SURF2: variants seen among roughly 807,000 people sequenced by gnomAD.
SURF2 encodes surfeit locus protein 2.
Under a neutral mutation model 26.2 loss-of-function variants are expected in SURF2, and 32 were observed. That is an observed-to-expected ratio of 1.22 (90% CI 0.92 to 1.64). The LOEUF (loss-of-function observed/expected upper bound fraction) is 1.64, where lower values mean the gene tolerates loss of function less well. SURF2 is among the 40% of genes most tolerant of loss of function. The pLI is 0.00. For missense variants in SURF2, 415 were observed against 341.6 expected (o/e 1.21, Z -1.69); for synonymous variants, 173 against 139.1 (o/e 1.24, Z -1.71).
rs114659998 is a variant in SURF2, at chr9:133,361,098, C to T, written c.730C>T (p.Arg244Cys). 929 of 1,614,146 alleles carry T rather than the reference C, an allele frequency of 5.8e-4. 5 individuals carry two copies. The African/African-American group carries it at 0.011, about 19-fold the overall frequency. The change falls in exon 6 of 6, where the codon CGC (arginine) becomes TGC (cysteine). Residue 244 changes from arginine to cysteine, a missense_variant. Coordinates refer to ENST00000371964, the MANE Select transcript of SURF2 (RefSeq NM_017503.5). ...SLKKKFKSHH[R>C]KPKSFSSCKQ... ...GAAAAAGAAGTTCAAGAGTCATCAC[C>T]GCAAACCCAAGAGCTTCAGCTCCTG...
chr9:133,361,062 T>C lies in SURF2; in HGVS notation c.694T>C (p.Leu232=), dbSNP rs2130056775. The C allele has an allele frequency of 2.5e-6, 4 of 1,614,120 alleles. No individual in the cohort carries two copies. The highest frequency in any genetic ancestry group is 1.1e-5 in the South Asian group (1 of 91,090). ...GLVQKRGKKQ[L]GSLKKKFKSH... ...AATTTTGTTTATCCCACAGAAGCAGTTGGGCTCGTTGAAAAAGAAGTTCAA... is the reference window on the plus strand; with the variant it reads ...AATTTTGTTTATCCCACAGAAGCAGCTGGGCTCGTTGAAAAAGAAGTTCAA... The change falls in exon 6 of 6, where the codon TTG becomes CTG. Residue 232 remains leucine, a synonymous_variant. Transcript: ENST00000371964.
At chr9:133,360,458 G>T in intron 5 of SURF2, 24 bp downstream of exon 5, 1 of 1,573,004 alleles carries the variant, frequency 6.4e-7, no homozygotes, top group Non-Finnish European at 8.6e-7. Context: ...TCCTCTGTTA[G>T]TGTGGCAGTG....
intron 5 of SURF2, 35 bp downstream of exon 5, chr9:133,360,469 G>T (rs1404922767): frequency 1.3e-6 from 2 of 1,548,280 alleles, no homozygotes; most frequent in Non-Finnish European, 1.7e-6. Flanking sequence ...TGTGGCAGTG[G>T]CTTCCCCTAG....
chr9:133,358,786 G>C (rs1202584317), intron 3 of SURF2, among the ~76,000 whole-genome samples: 1 of 152,206 alleles, frequency 6.6e-6, no homozygotes, highest in Non-Finnish European at 1.5e-5. Flanking sequence ...GGCAGGTGCT[G>C]GGTCACCAGA....
At chr9:133,359,464 C>T (rs2130042243) in intron 3 of SURF2, among the ~76,000 whole-genome samples, 1 of 152,332 alleles carries the variant, frequency 6.6e-6, no homozygotes, top group African/African-American at 2.4e-5. Flanking sequence ...AGCCTTGTCC[C>T]AACTCCCTTC....
Position 133,357,015 on chromosome 9 carries a change from G to T in SURF2, c.180G>T (p.Pro60=), listed in dbSNP as rs2130032118. The T allele has an allele frequency of 8.9e-6, 14 of 1,571,842 alleles. No homozygotes were observed. The highest frequency in any genetic ancestry group is 1.2e-5 in the Non-Finnish European group (14 of 1,160,134). ...ACCAGCGGCTGGTCCGCGCCTCCCC[G>T]GCCTTCGACTATGCAGAGTTCGAGC... ...KKYQRLVRAS[P]AFDYAEFEPH... The change falls in exon 2 of 6, where the codon CCG becomes CCT. Residue 60 remains proline, a synonymous_variant. Coordinates refer to ENST00000371964, the MANE Select transcript of SURF2 (RefSeq NM_017503.5).
At chr9:133,356,745 G>T in intron 1 of SURF2, 75 bp downstream of exon 1, 1 of 1,361,580 alleles carries the variant, frequency 7.3e-7, no homozygotes, top group South Asian at 1.4e-5. Context: ...GAGGGCAGGG[G>T]AGAGGAGAGG....
In SURF2 at chr9:133,356,609, G is replaced by T. The variant is rs2130028720; in HGVS notation, c.17G>T (p.Gly6Val). Residue 6 changes from glycine (G) to valine (V), a missense_variant, in exon 1 of 6, where the codon GGC (glycine) becomes GTC (valine). Coordinates refer to ENST00000371964, the MANE Select transcript of SURF2 (RefSeq NM_017503.5). ...GCGTCGGCCATGAGCGAGTTGCCGGGCGACGTGCGGGCGTTTCTGCGGGAG... is the reference window on the plus strand; with the variant it reads ...GCGTCGGCCATGAGCGAGTTGCCGGTCGACGTGCGGGCGTTTCTGCGGGAG... MSELP[G>V]DVRAFLREHP... The T allele has an allele frequency of 2.6e-6, 4 of 1,524,992 alleles. No individual in the cohort carries two copies. Among genetic ancestry groups the T allele is most frequent in the Admixed American group, 4.0e-5 (2 of 50,364 alleles). 94.5% of individuals were successfully genotyped at this position (1,524,992 alleles called of 1,614,324 possible).
rs1836603602 is a variant in SURF2, at chr9:133,356,644, C to T, written c.52C>T (p.Leu18=). ...VRAFLREHPS[L]RLQTDARKVR... is the part of the protein sequence containing the mutation. Reference sequence around the variant, plus strand: ...GGCGTTTCTGCGGGAGCACCCGAGCCTGCGGCTCCAGACGGACGCCCGCAA... The same window carrying T: ...GGCGTTTCTGCGGGAGCACCCGAGCTTGCGGCTCCAGACGGACGCCCGCAA... The change falls in exon 1 of 6, where the codon CTG becomes TTG. Residue 18 remains leucine (L), a synonymous_variant. Transcript: ENST00000371964. 5 of 1,527,128 alleles carry T rather than the reference C, an allele frequency of 3.3e-6. No individual in the cohort carries two copies. Among genetic ancestry groups the T allele is most frequent in the Non-Finnish European group, 4.4e-6 (5 of 1,144,000 alleles). 94.6% of individuals were successfully genotyped at this position (1,527,128 alleles called of 1,614,324 possible). A position where few individuals can be genotyped will look rare whatever the true frequency, so the allele number is the denominator to read the frequency against.
intron 5 of SURF2, 148 bp from the exon 6 acceptor site, chr9:133,360,908 C>T (rs967545334): frequency 3.8e-6 from 3 of 783,488 alleles, no homozygotes; most frequent in East Asian, 4.9e-5. Flanking sequence ...AATCCTGCAG[C>T]TGTTAAGGAA....
In SURF2 at chr9:133,356,570, G is replaced by C. The variant is rs2130028119; in HGVS notation, c.-23G>C. On this transcript the variant is annotated 5_prime_UTR_variant, in exon 1 of 6. Coordinates refer to ENST00000371964, the MANE Select transcript of SURF2 (RefSeq NM_017503.5). ...AGGTTCTGCGAGCGGCTTCCGCCGG[G>C]CTGCTCCGCGGGCGCGTCGGCCATG... 8.4e-4 allele frequency: 1,266 copies of C among 1,514,910 alleles called. 26 individuals are homozygous for C. The Admixed American group carries it at 0.02, about 24-fold the overall frequency. The allele number at this position is 1,514,910 out of a possible 1,614,324, so 93.8% of individuals were successfully genotyped here.
chr9:133,356,817 G>C, intron 1 of SURF2, 97 bp from the exon 2 acceptor site: 1 of 1,443,840 alleles, frequency 6.9e-7, no homozygotes, highest in East Asian at 2.6e-5. Flanking sequence ...GGGCGCGGCG[G>C]GATCAGGGGA....
In SURF2 at chr9:133,360,434, G is replaced by T. The variant is rs2130051884; in HGVS notation, c.687G>T (p.Lys229Asn). Residue 229 changes from lysine (K) to asparagine (N), a missense_variant and splice_region_variant, in exon 5 of 6, where the codon AAG becomes AAT. Lys to Asn is a moderately conservative substitution (Grantham distance 94). Transcript: ENST00000371964. ...GAGGGCTGGTCCAGAAGCGCGGGAA[G>T]GTGAGCTGTCACCTCCTCTGTTAGT... Reference protein sequence around the residue: ...VYRGLVQKRGKKQLGSLKKKF... With the variant: ...VYRGLVQKRGNKQLGSLKKKF... 1 of 1,603,692 alleles carries T rather than the reference G, an allele frequency of 6.2e-7. No homozygotes were observed. Among genetic ancestry groups the T allele is most frequent in the South Asian group, 1.1e-5 (1 of 90,128 alleles).
chr9:133,359,817 C>A, intron 3 of SURF2, 133 bp from the exon 4 acceptor site: 1 of 1,082,388 alleles, frequency 9.2e-7, no homozygotes, highest in Non-Finnish European at 1.3e-6. Context: ...AGGCACCCAG[C>A]AGCTGCTCTG....
Position 133,360,428 on chromosome 9 carries a change from C to T in SURF2, c.681C>T (p.Arg227=), listed in dbSNP as rs2130051698. 4.6e-3 allele frequency: 7,434 copies of T among 1,606,218 alleles called. 292 individuals carry two copies. The African/African-American group carries it at 0.085, about 18-fold the overall frequency. ...TGTACCGAGGGCTGGTCCAGAAGCG[C>T]GGGAAGGTGAGCTGTCACCTCCTCT... ...TTVYRGLVQK[R]GKKQLGSLKK... is the part of the protein sequence containing the mutation. The change falls in exon 5 of 6, where the codon CGC becomes CGT. Residue 227 remains arginine (R), a synonymous_variant. Coordinates refer to ENST00000371964, the MANE Select transcript of SURF2 (RefSeq NM_017503.5).
In SURF2 at chr9:133,357,786, C is replaced by T. The variant is rs1181249311; in HGVS notation, c.309C>T (p.Gly103=). 6.2e-7 allele frequency: 1 copy of T among 1,613,674 alleles called. No individual in the cohort carries two copies. Among genetic ancestry groups the T allele is most frequent in the Non-Finnish European group, 8.5e-7 (1 of 1,180,006 alleles). ...AACACGTGCTGAGGCACACCCAGGGCCGGCGGTACCAGCGAGCTCTGTGTA... is the reference window on the plus strand; with the variant it reads ...AACACGTGCTGAGGCACACCCAGGGTCGGCGGTACCAGCGAGCTCTGTGTA... ...CPEHVLRHTQ[G]RRYQRALCKY... is the part of the protein sequence containing the mutation. Residue 103 remains glycine (G), a synonymous_variant, in exon 3 of 6, where the codon GGC becomes GGT. Coordinates refer to ENST00000371964, the MANE Select transcript of SURF2 (RefSeq NM_017503.5).
chr9:133,358,365 A>G (rs1281247018), intron 3 of SURF2, among the ~76,000 whole-genome samples: 1 of 152,118 alleles, frequency 6.6e-6, no homozygotes, highest in East Asian at 1.9e-4. Context: ...ATGGTTGAGA[A>G]GGGAGGACTC....
chr9:133,356,621 C>A lies in SURF2; in HGVS notation c.29C>A (p.Ala10Glu). The A allele has an allele frequency of 6.6e-7, 1 of 1,525,996 alleles. No homozygotes were observed. The highest frequency in any genetic ancestry group is 8.7e-7 in the Non-Finnish European group (1 of 1,143,626). 94.5% of individuals were successfully genotyped at this position (1,525,996 alleles called of 1,614,324 possible). The change falls in exon 1 of 6, where the codon GCG becomes GAG. Residue 10 changes from alanine to glutamate, a missense_variant. Coordinates refer to ENST00000371964, the MANE Select transcript of SURF2 (RefSeq NM_017503.5). The stretch of plus-strand genomic sequence containing the variant: ...AGCGAGTTGCCGGGCGACGTGCGGG[C>A]GTTTCTGCGGGAGCACCCGAGCCTG... MSELPGDVR[A>E]FLREHPSLRL...
At chr9:133,358,846 G>A (rs138423556) in intron 3 of SURF2, among the ~76,000 whole-genome samples, 101 of 152,224 alleles carry the variant, frequency 6.6e-4, no homozygotes, top group Middle Eastern at 3.4e-3. Context: ...AGGCTGGAGC[G>A]GACAGATTCA....
Sources: gnomAD v4.1 joint callset for allele counts (sites outside exome capture counted in the v4.1 genomes callset) on GRCh38, gnomAD v4.1.1 for gene constraint, MANE v1.5 for transcripts, NCBI Gene and HGNC (gene_info 2026-07-23, HGNC 2026-07-21) for gene names.